The following MDGA2 variants were observed in gnomAD, a reference collection of about 807,000 sequenced individuals.
The protein encoded by MDGA2 is MAM domain-containing glycosylphosphatidylinositol anchor protein 2.
Under a neutral mutation model 117.8 loss-of-function variants are expected in MDGA2, and 40 were observed. The observed-to-expected ratio is 0.34, with a 90% CI of 0.26 to 0.44. The LOEUF is 0.44. Ranked by LOEUF, MDGA2 falls within the 20% of genes least tolerant of loss-of-function variation. The probability of loss-of-function intolerance (pLI) is 1.00; values close to 1 mark genes in which losing one functional copy is unlikely to be tolerated. For missense variants in MDGA2, 1,123 were observed against 1,250.6 expected, an observed-to-expected ratio of 0.90 and a Z score of 1.54; for synonymous variants, 452 against 439.0, an observed-to-expected ratio of 1.03 and a Z score of -0.37.
chr14:47,673,650 G>GTGTGTGTGTA (rs1247623457), intron 1 of MDGA2, among the ~76,000 whole-genome samples: 4 of 151,716 alleles, frequency 2.6e-5, no homozygotes, highest in Non-Finnish European at 4.4e-5. Context: ...GTGTGTGTGT[G>GTGTGTGTGTA]TGTGTGTGTG....
chr14:47,390,478 G>T (rs1046252363), intron 1 of MDGA2, among the ~76,000 whole-genome samples: 5 of 152,084 alleles, frequency 3.3e-5, no homozygotes, highest in African/African-American at 1.2e-4. Context: ...AAGCCAACTA[G>T]CTAATATGAC....
At chr14:46,908,416 T>C (rs1044124400) in intron 10 of MDGA2, among the ~76,000 whole-genome samples, 1 of 152,190 alleles carries the variant, frequency 6.6e-6, no homozygotes, top group Non-Finnish European at 1.5e-5. Flanking sequence ...ATTATTGAGA[T>C]AGAAAATTTA....
rs181181651 is a variant in MDGA2 at position 46,930,043 on chromosome 14, G to A, written c.2090-9883C>T. Reference sequence around the variant, plus strand: ...TTTTATTATTTTCGGAATTGACCATGTCATTCCAATTGTAAGTATTAATTT... The same window carrying A: ...TTTTATTATTTTCGGAATTGACCATATCATTCCAATTGTAAGTATTAATTT... On this transcript the variant is annotated intron_variant, in intron 9 of 16. Coordinates refer to ENST00000399232, the MANE Select transcript of MDGA2 (RefSeq NM_001113498.3). Among the ~76,000 whole-genome samples, 48 of 151,802 alleles carry A rather than the reference G, an allele frequency of 3.2e-4. No individual in the cohort carries two copies. The East Asian group carries it at 8.0e-3, about 25-fold the overall frequency.
intron 3 of MDGA2, among the ~76,000 whole-genome samples, chr14:47,149,454 C>T (rs1161888113): frequency 6.6e-6 from 1 of 152,216 alleles, no homozygotes; most frequent in African/African-American, 2.4e-5. Context: ...CTACAGAGGA[C>T]AGTCCAGTCA....
intron 1 of MDGA2, among the ~76,000 whole-genome samples, chr14:47,306,842 G>GGAGGGA (rs1555372056): frequency 1.4e-5 from 2 of 146,598 alleles, no homozygotes; most frequent in East Asian, 2.1e-4. Context: ...AGAGAAAGAG[G>GGAGGGA]GAGAGAGAGA....
chr14:47,622,479 C>T (rs1460697922), intron 1 of MDGA2, among the ~76,000 whole-genome samples: 1 of 152,130 alleles, frequency 6.6e-6, no homozygotes, highest in Admixed American at 6.5e-5. Context: ...GTTGTAACCT[C>T]AAGAATAAAT....
intron 1 of MDGA2, among the ~76,000 whole-genome samples, chr14:47,607,950 A>T (rs74854437): frequency 1.3e-5 from 2 of 151,170 alleles, no homozygotes; most frequent in Middle Eastern, 3.4e-3. Flanking sequence ...CATCACAGCC[A>T]TTTTTTTTTC....
intron 2 of MDGA2, among the ~76,000 whole-genome samples, chr14:47,225,965 T>C (rs1371325486): frequency 6.6e-6 from 1 of 151,982 alleles, no homozygotes; most frequent in Non-Finnish European, 1.5e-5. Flanking sequence ...GCAAGATATA[T>C]GCAGATAAGA....
chr14:47,628,489 T>C (rs1299473278), intron 1 of MDGA2, among the ~76,000 whole-genome samples: 2 of 152,190 alleles, frequency 1.3e-5, no homozygotes, highest in Non-Finnish European at 2.9e-5. Flanking sequence ...TCTTGACGAA[T>C]TGTGATTTCT....
intron 10 of MDGA2, among the ~76,000 whole-genome samples, chr14:46,915,003 T>C (rs1172691150): frequency 6.6e-6 from 1 of 152,152 alleles, no homozygotes; most frequent in Non-Finnish European, 1.5e-5. Flanking sequence ...CATAAATCCA[T>C]GTATTTAAAA....
intron 8 of MDGA2, among the ~76,000 whole-genome samples, chr14:47,007,696 A>G (rs1427190248): frequency 1.3e-5 from 2 of 151,790 alleles, no homozygotes; most frequent in Admixed American, 1.3e-4. Context: ...AGGTAGGAAA[A>G]TTAAATACAG....
intron 6 of MDGA2, among the ~76,000 whole-genome samples, chr14:47,062,977 C>A (rs1889946709): frequency 6.6e-6 from 1 of 151,952 alleles, no homozygotes; most frequent in Non-Finnish European, 1.5e-5. Flanking sequence ...TTGAAGGGCT[C>A]CTCCTCAAGA....
chr14:46,969,759 G>GT (rs1303867941), intron 8 of MDGA2, among the ~76,000 whole-genome samples: 1 of 151,528 alleles, frequency 6.6e-6, no homozygotes, highest in Non-Finnish European at 1.5e-5. Context: ...ACAGGAAGGG[G>GT]AACATCACAC....
At chr14:47,429,554 T>C (rs1892757734) in intron 1 of MDGA2, among the ~76,000 whole-genome samples, 1 of 152,142 alleles carries the variant, frequency 6.6e-6, no homozygotes. Flanking sequence ...ATCATCTGCA[T>C]CTCTGCATTG....
chr14:47,572,584 A>T (rs536633519), intron 1 of MDGA2, among the ~76,000 whole-genome samples: 1 of 152,280 alleles, frequency 6.6e-6, no homozygotes, highest in East Asian at 1.9e-4. Flanking sequence ...TGGCTTACAA[A>T]GGACCAAATA....
At chr14:46,893,386 G>T (rs1374693928) in intron 10 of MDGA2, among the ~76,000 whole-genome samples, 1 of 151,846 alleles carries the variant, frequency 6.6e-6, no homozygotes, top group African/African-American at 2.4e-5. Flanking sequence ...GGAGGCCAAA[G>T]GGTACAACGT....
intron 8 of MDGA2, among the ~76,000 whole-genome samples, chr14:47,011,853 A>G (rs1364764075): frequency 6.6e-6 from 1 of 152,070 alleles, no homozygotes; most frequent in East Asian, 1.9e-4. Context: ...GTCATGTAAA[A>G]GTAGAAATAA....
At chr14:47,389,108 C>G (rs2138433538) in intron 1 of MDGA2, among the ~76,000 whole-genome samples, 1 of 152,244 alleles carries the variant, frequency 6.6e-6, no homozygotes, top group African/African-American at 2.4e-5. Context: ...ATTTCACCAC[C>G]AAAATCCTAT....
At chr14:46,920,252 A>T (rs1252819943) in intron 9 of MDGA2, 92 bp from the exon 10 acceptor site, 8 of 1,175,920 alleles carry the variant, frequency 6.8e-6, no homozygotes, top group Non-Finnish European at 8.2e-6. Flanking sequence ...TTTCTACTAT[A>T]TTTTTCATTA....
Sources: allele counts gnomAD v4.1 joint callset (sites outside exome capture counted in the v4.1 genomes callset), GRCh38; gene constraint gnomAD v4.1.1; transcripts MANE v1.5; gene names NCBI Gene and HGNC (gene_info 2026-07-23, HGNC 2026-07-21).